Variants in PNKP observed in about 807,000 individuals in gnomAD.
The protein encoded by PNKP is polynucleotide kinase 3'-phosphatase, also known as bifunctional polynucleotide phosphatase/kinase.
In PNKP, 82 loss-of-function variants were observed where a neutral mutation model predicts 66.2. The ratio of observed to expected loss-of-function variants is 1.24; its 90% CI spans 1.04 to 1.49. The LOEUF is 1.49. Ranked by LOEUF, PNKP falls within the 40% of genes most tolerant of loss-of-function variation. PNKP has a pLI of 0.00. For missense variants in PNKP, 907 were observed against 706.8 expected, an observed-to-expected ratio of 1.28 and a Z score of -3.21; for synonymous variants, 412 against 298.9, an observed-to-expected ratio of 1.38 and a Z score of -3.90.
chr19:49,865,955 C>T (rs1426732709), intron 3 of PNKP: 2 of 288,184 alleles, frequency 6.9e-6, no homozygotes, highest in East Asian at 9.3e-5. Flanking sequence ...ACCCACCCCA[C>T]TGAAACAGGC....
At chr19:49,866,117 A>C in intron 3 of PNKP, 1 of 476,104 alleles carries the variant, frequency 2.1e-6, no homozygotes, top group Non-Finnish European at 3.9e-6. Context: ...GGCTCAAGGG[A>C]TCCTCCCGCT....
intron 8 of PNKP, 94 bp downstream of exon 8, chr19:49,863,592 AGAG>A (rs2122332748): frequency 2.4e-6 from 2 of 832,160 alleles, no homozygotes; most frequent in Admixed American, 4.0e-5. Flanking sequence ...GAGAGAGGAC[AGAG>A]GAGTAAGGAG....
rs761386770 is a variant in PNKP, at chr19:49,862,257, G to A, written c.1054C>T (p.Leu352Phe). 6.2e-7 allele frequency: 1 copy of A among 1,606,728 alleles called. No individual in the cohort carries two copies. Among genetic ancestry groups the A allele is most frequent in the South Asian group, 1.1e-5 (1 of 89,902 alleles). Residue 352 changes from leucine to phenylalanine, a missense_variant, in exon 12 of 17, where the codon CTC (leucine) becomes TTC (phenylalanine). Transcript: ENST00000322344. ...DPRTVSRSGP[L>F]CLPESRALLS... The stretch of plus-strand genomic sequence containing the variant: ...AGGGCCCTGGACTCGGGGAGGCAGA[G>A]AGGCCCTGAGCGGGAGACAGTCCTC...
chr19:49,863,991 C>T lies in PNKP; in HGVS notation c.717G>A (p.Val239=). 6.2e-7 allele frequency: 1 copy of T among 1,614,010 alleles called. No homozygotes were observed. ...GGAAGGGGACCCCCAGCTTCTCCAC[C>T]ACAGCCTCCACCTTGGCCTTGAACT... ...AEEFKAKVEA[V]VEKLGVPFQV... is the part of the protein sequence containing the mutation. The change falls in exon 7 of 17, where the codon GTG becomes GTA. Residue 239 remains valine, a synonymous_variant. Coordinates refer to ENST00000322344, the MANE Select transcript of PNKP (RefSeq NM_007254.4).
rs1470343514 is a variant in PNKP at position 49,861,513 on chromosome 19, G to A, written c.1387-3C>T. 14 of 1,613,078 alleles carry A rather than the reference G, an allele frequency of 8.7e-6. No individual in the cohort carries two copies. Among genetic ancestry groups the A allele is most frequent in the South Asian group, 1.1e-5 (1 of 91,062 alleles). On this transcript the variant is annotated splice_polypyrimidine_tract_variant and splice_region_variant and intron_variant, in intron 15 of 16. Transcript: ENST00000322344. The stretch of plus-strand genomic sequence containing the variant: ...GAGGAGTCCGTCATCTCTCGAAACT[G>A]TGGGGAACATCAGAGGGGCGGCAGG...
Position 49,862,951 on chromosome 19 carries a change from A to AC in PNKP, c.817-214dup, listed in dbSNP as rs1459985476. On this transcript the variant is annotated intron_variant, in intron 8 of 16. Coordinates refer to ENST00000322344, the MANE Select transcript of PNKP (RefSeq NM_007254.4). ...CAGCCCCCTCCCTCCAGGTCTCCCG[A>AC]CTTCACCTCCTCCCGTTCCCCACGC... 1.9e-4 allele frequency: 120 copies of AC among 645,190 alleles called. No homozygotes were observed. The African/African-American group carries it at 2.1e-3, about 11-fold the overall frequency. 40.0% of individuals were successfully genotyped at this position (645,190 alleles called of 1,614,324 possible).
intron 3 of PNKP, 34 bp downstream of exon 3, chr19:49,866,365 C>T (rs1293997438): frequency 6.2e-7 from 1 of 1,601,058 alleles, no homozygotes; most frequent in South Asian, 1.1e-5. Context: ...ATCCCATCCC[C>T]AGGCCTTGCT....
At chr19:49,865,002 T>C in intron 4 of PNKP, 125 bp downstream of exon 4, 1 of 746,076 alleles carries the variant, frequency 1.3e-6, no homozygotes, top group South Asian at 1.7e-5. Context: ...CAACGATCCC[T>C]GCATTTATCA....
Position 49,862,225 on chromosome 19 carries a change from GCTCAGGAGGGCC to G in PNKP, c.1074_1085del (p.Arg358_Leu361del), listed in dbSNP as rs796052865. 1.2e-6 allele frequency: 2 copies of G among 1,612,512 alleles called. No homozygotes were observed. Among genetic ancestry groups the G allele is most frequent in the Admixed American group, 1.7e-5 (1 of 59,790 alleles). The stretch of plus-strand genomic sequence containing the variant: ...CTGCGACAACCACCTCCGGGCTGGC[GCTCAGGAGGGCC>G]CTGGACTCGGGGAGGCAGAGAGGCC... On this transcript the variant is annotated inframe_deletion, in exon 12 of 17. Transcript: ENST00000322344.
chr19:49,865,831 C>G (rs982966326), intron 3 of PNKP: 2 of 235,092 alleles, frequency 8.5e-6, no homozygotes, highest in Non-Finnish European at 1.7e-5. Flanking sequence ...CCAGGCTGGT[C>G]ACAAACTCCT....
intron 15 of PNKP, 28 bp downstream of exon 15, chr19:49,861,580 G>C (rs549380659): frequency 1.5e-5 from 24 of 1,558,456 alleles, no homozygotes; most frequent in Non-Finnish European, 2.0e-5. Context: ...GGTGCAGCCC[G>C]GGGGGTGTCC....
rs2122317308 is a variant in PNKP, at chr19:49,861,491, G to A, written c.1406C>T (p.Ser469Phe). The part of the protein sequence containing the change: ...HNNRFREMTD[S>F]SHIPVSDMVM... ...CATGTCTGACACGGGGATATGAGAG[G>A]AGTCCGTCATCTCTCGAAACTGTGG... Residue 469 changes from serine (S) to phenylalanine (F), a missense_variant, in exon 16 of 17, where the codon TCC becomes TTC. Transcript: ENST00000322344. 1.9e-6 allele frequency: 3 copies of A among 1,612,440 alleles called. No individual in the cohort carries two copies. The highest frequency in any genetic ancestry group is 2.5e-6 in the Non-Finnish European group (3 of 1,179,098).
chr19:49,866,368 G>A (rs2074820546), intron 3 of PNKP, 31 bp downstream of exon 3: 5 of 1,602,974 alleles, frequency 3.1e-6, no homozygotes, highest in Non-Finnish European at 3.4e-6. Context: ...CCATCCCCAG[G>A]CCTTGCTGGC....
chr19:49,865,470 C>A (rs765466799), intron 3 of PNKP, 44 bp from the exon 4 acceptor site: 2 of 1,434,156 alleles, frequency 1.4e-6, no homozygotes, highest in East Asian at 2.5e-5. Flanking sequence ...CCGCCCCCAC[C>A]GGGAGCTTCC....
In PNKP at chr19:49,862,500, G is replaced by C. The variant is rs907728722; in HGVS notation, c.937-37C>G. 3 of 1,598,998 alleles carry C rather than the reference G, an allele frequency of 1.9e-6. No individual in the cohort carries two copies. The South Asian group carries it at 3.4e-5, about 18-fold the overall frequency. On this transcript the variant is annotated intron_variant, in intron 10 of 16. Transcript: ENST00000322344. ...GGACGAACATCAGACACAGGCCAGG[G>C]TCGGGCTCGGGCGCGGGGCAGGGGG...
Position 49,866,448 on chromosome 19 carries a change from GAGGATTGGAGGGGTGGAGTC to G in PNKP, c.152-23_152-4del, listed in dbSNP as rs771983873. 1 of 1,614,130 alleles carries G rather than the reference GAGGATTGGAGGGGTGGAGTC, an allele frequency of 6.2e-7. No homozygotes were observed. The highest frequency in any genetic ancestry group is 1.1e-5 in the South Asian group (1 of 91,086). ...CTCAGGATCTGCGACCAGCTCCACT[GAGGATTGGAGGGGTGGAGTC>G]AGGATTTGCATCCTTGTGTGATTGG... On this transcript the variant is annotated splice_region_variant and splice_polypyrimidine_tract_variant and intron_variant, in intron 2 of 16. Transcript: ENST00000322344.
At position 49,861,813 on chromosome 19, in the gene PNKP, G is replaced by A. The variant is rs369003964; in HGVS notation, c.1257C>T (p.Val419=). 60 of 1,583,970 alleles carry A rather than the reference G, an allele frequency of 3.8e-5. No homozygotes were observed. The African/African-American group carries it at 6.9e-4, about 18-fold the overall frequency. ...CETALKQGKR[V]AIDNTNPDAA... is the part of the protein sequence containing the mutation. The stretch of plus-strand genomic sequence containing the variant: ...CGTCTGGGTTTGTGTTGTCGATGGC[G>A]ACCCGTTTCCCTTGCTTCAGGGCTG... The change falls in exon 14 of 17, where the codon GTC becomes GTT. Residue 419 remains valine (V), a synonymous_variant. Transcript: ENST00000322344.
At position 49,861,439 on chromosome 19, in the gene PNKP, C is replaced by G; in HGVS notation, c.1448+10G>C. On this transcript the variant is annotated intron_variant, in intron 16 of 16. Coordinates refer to ENST00000322344, the MANE Select transcript of PNKP (RefSeq NM_007254.4). ...CCAGTGCCCCTGCCCCCTGCTATCC[C>G]CAACAGTACCTGTAGCCATACATGA... The G allele has an allele frequency of 6.2e-7, 1 of 1,614,086 alleles. No individual in the cohort carries two copies. Among genetic ancestry groups the G allele is most frequent in the Non-Finnish European group, 8.5e-7 (1 of 1,179,962 alleles).
In PNKP at chr19:49,866,464, G is replaced by A. The variant is rs755589465; in HGVS notation, c.152-19C>T. 1 of 1,613,836 alleles carries A rather than the reference G, an allele frequency of 6.2e-7. No homozygotes were observed. Among genetic ancestry groups the A allele is most frequent in the South Asian group, 1.1e-5 (1 of 91,078 alleles). On this transcript the variant is annotated intron_variant, in intron 2 of 16. Coordinates refer to ENST00000322344, the MANE Select transcript of PNKP (RefSeq NM_007254.4). ...AGCTCCACTGAGGATTGGAGGGGTG[G>A]AGTCAGGATTTGCATCCTTGTGTGA...
Sources: allele counts gnomAD v4.1 joint callset, GRCh38; gene constraint gnomAD v4.1.1; transcripts MANE v1.5; gene names NCBI Gene and HGNC (gene_info 2026-07-23, HGNC 2026-07-21).